INTS4: variants seen among roughly 807,000 people sequenced by gnomAD.
INTS4 encodes integrator complex subunit 4.
INTS4 carries 70 observed loss-of-function variants against 119.5 expected under a neutral mutation model. That is an observed-to-expected ratio of 0.59 (90% CI 0.48 to 0.71). The LOEUF is 0.71. Among genes scored for constraint, INTS4 ranks in the 30% least tolerant of loss-of-function variants. The probability of loss-of-function intolerance (pLI) is 0.00; values close to 1 mark genes in which losing one functional copy is unlikely to be tolerated. For synonymous variants in INTS4, 316 were observed against 419.6 expected, an observed-to-expected ratio of 0.75 and a Z score of 3.02; for missense variants, 867 against 1,173.2, an observed-to-expected ratio of 0.74 and a Z score of 3.81.
intron 21 of INTS4, among the ~76,000 whole-genome samples, chr11:77,890,264 C>T (rs1303939572): frequency 1.3e-5 from 2 of 152,196 alleles, no homozygotes; most frequent in South Asian, 4.1e-4. Context: ...AGCCAGAAGG[C>T]CTGTTCCTCT....
intron 10 of INTS4, among the ~76,000 whole-genome samples, chr11:77,935,089 T>C (rs1195106897): frequency 2.6e-5 from 4 of 152,196 alleles, no homozygotes; most frequent in Non-Finnish European, 4.4e-5. Flanking sequence ...ACTGAAATTC[T>C]GAGATGTACA....
chr11:77,929,312 T>G (rs1262785853), intron 10 of INTS4, among the ~76,000 whole-genome samples: 4 of 152,174 alleles, frequency 2.6e-5, no homozygotes, highest in African/African-American at 7.2e-5. Flanking sequence ...GGGAGATCTC[T>G]ATGCCCACAG....
chr11:77,924,813 A>G lies in INTS4; in HGVS notation c.1451T>C (p.Leu484Pro). The G allele has an allele frequency of 2.5e-6, 4 of 1,594,672 alleles. No homozygotes were observed. Among genetic ancestry groups the G allele is most frequent in the Non-Finnish European group, 3.4e-6 (4 of 1,162,210 alleles). Residue 484 changes from leucine (L) to proline (P), a missense_variant, in exon 12 of 23, where the codon CTT becomes CCT. Physicochemically the swap from Leu to Pro is moderately conservative, Grantham distance 98 (BLOSUM62 -3). Around this residue, in one of 5 missense-constraint regions of INTS4, gnomAD observed 51 missense variants for 125.5 expected, o/e 0.41. Coordinates refer to ENST00000534064, the MANE Select transcript of INTS4 (RefSeq NM_033547.4). ...TNVSTKEGIHLALVELLKNLT... is the reference protein window; with the variant it reads ...TNVSTKEGIHPALVELLKNLT... ...ATTTTTCAGCAGCTCCACCAATGCAAGATGAATCCCTTCTTTGGTTGAAAC... is the reference window on the plus strand; with the variant it reads ...ATTTTTCAGCAGCTCCACCAATGCAGGATGAATCCCTTCTTTGGTTGAAAC...
chr11:77,923,537 G>A (rs1953418428), intron 12 of INTS4, among the ~76,000 whole-genome samples: 1 of 152,048 alleles, frequency 6.6e-6, no homozygotes, highest in Non-Finnish European at 1.5e-5. Context: ...AGATCTGTCT[G>A]AAACTAAGTA....
At chr11:77,953,172 C>T (rs1284275913) in intron 8 of INTS4, among the ~76,000 whole-genome samples, 4 of 152,260 alleles carry the variant, frequency 2.6e-5, no homozygotes, top group South Asian at 4.1e-4. Flanking sequence ...AAGCTATCAC[C>T]GGATCAGTGT....
intron 14 of INTS4, among the ~76,000 whole-genome samples, chr11:77,920,846 C>T (rs1371017127): frequency 4.0e-5 from 6 of 151,266 alleles, no homozygotes; most frequent in African/African-American, 1.2e-4. Flanking sequence ...AGCAAGACTC[C>T]GTCTCAAAAA....
At chr11:77,933,932 G>A (rs905785123) in intron 10 of INTS4, among the ~76,000 whole-genome samples, 1 of 152,174 alleles carries the variant, frequency 6.6e-6, no homozygotes, top group Non-Finnish European at 1.5e-5. Flanking sequence ...GATGACAATG[G>A]CGGTTTTGTG....
intron 2 of INTS4, among the ~76,000 whole-genome samples, chr11:77,985,239 T>C (rs531158555): frequency 7.9e-5 from 12 of 152,302 alleles, no homozygotes; most frequent in African/African-American, 2.9e-4. Context: ...CAGAGTGACA[T>C]TTCTAAAACA....
At chr11:77,897,833 G>A (rs1417785598) in intron 18 of INTS4, among the ~76,000 whole-genome samples, 1 of 151,798 alleles carries the variant, frequency 6.6e-6, no homozygotes, top group Non-Finnish European at 1.5e-5. Context: ...TTAAGACATA[G>A]GGTCTTGTTC....
intron 15 of INTS4, among the ~76,000 whole-genome samples, chr11:77,910,610 C>G (rs1196053708): frequency 6.6e-6 from 1 of 151,784 alleles, no homozygotes; most frequent in Non-Finnish European, 1.5e-5. Flanking sequence ...GAAAATGTTT[C>G]TTTAAAAAAA....
rs1326416266 is a variant in INTS4 at position 77,978,981 on chromosome 11, A to C, written c.471+15T>G. On this transcript the variant is annotated intron_variant, in intron 4 of 22. Transcript: ENST00000534064. ...ACCAGTTTAGGATGGATCTGAATAG[A>C]TTTTATACTCTTACCTTGCAGGCCA... The C allele has an allele frequency of 6.5e-7, 1 of 1,539,946 alleles. No individual in the cohort carries two copies. The highest frequency in any genetic ancestry group is 1.1e-5 in the South Asian group (1 of 89,496).
In INTS4 at chr11:77,959,255, C is replaced by T. The variant is rs368315772; in HGVS notation, c.709-421G>A. Among the ~76,000 whole-genome samples the T allele has an allele frequency of 7.9e-5, 12 of 152,258 alleles. No individual in the cohort carries two copies. In the South Asian group the frequency reaches 8.3e-4, roughly 11 times the overall value. On this transcript the variant is annotated intron_variant, in intron 6 of 22. Transcript: ENST00000534064. ...CAATCCACTCACTCTTTCTGGGTAG[C>T]CCCATACTCCCTAAATACTGATGGC...
At chr11:77,941,879 A>G (rs972197026) in intron 8 of INTS4, among the ~76,000 whole-genome samples, 6 of 152,176 alleles carry the variant, frequency 3.9e-5, no homozygotes, top group African/African-American at 1.4e-4. Context: ...TAACCCTGAG[A>G]AGTAAATACT....
At chr11:77,905,701 C>G (rs1296998879) in intron 16 of INTS4, among the ~76,000 whole-genome samples, 2 of 152,182 alleles carry the variant, frequency 1.3e-5, no homozygotes, top group African/African-American at 4.8e-5. Context: ...GCAGTGGTGA[C>G]CCAGCACAGT....
intron 2 of INTS4, among the ~76,000 whole-genome samples, chr11:77,985,282 G>A (rs1229383199): frequency 2.6e-5 from 4 of 152,136 alleles, no homozygotes; most frequent in African/African-American, 9.7e-5. Flanking sequence ...AGGCCCTTTA[G>A]AATCAGATGC....
intron 19 of INTS4, among the ~76,000 whole-genome samples, chr11:77,893,986 C>T (rs1317353594): frequency 2.6e-5 from 4 of 151,436 alleles, no homozygotes; most frequent in East Asian, 1.9e-4. Flanking sequence ...TTTCAACAAA[C>T]GTATTTACAC....
intron 21 of INTS4, chr11:77,884,643 G>A (rs775985292): frequency 4.5e-6 from 1 of 220,666 alleles, no homozygotes. Context: ...GTCTTCCAAT[G>A]TTGAAACTGT....
chr11:77,908,847 A>G (rs1482224300), intron 15 of INTS4, among the ~76,000 whole-genome samples: 6 of 57,672 alleles, frequency 1.0e-4, no homozygotes, highest in South Asian at 6.5e-4. Flanking sequence ...ATTATTTTTT[A>G]AAAGGTATTA....
chr11:77,883,261 C>T (rs996728340), intron 22 of INTS4, among the ~76,000 whole-genome samples: 8 of 152,098 alleles, frequency 5.3e-5, no homozygotes, highest in Non-Finnish European at 1.2e-4. Context: ...GCCAATTCTG[C>T]CCCCTATTCT....
Sources: allele counts gnomAD v4.1 joint callset (sites outside exome capture counted in the v4.1 genomes callset), GRCh38; gene constraint gnomAD v4.1.1; regional missense constraint gnomAD v4.1.1; transcripts MANE v1.5; gene names NCBI Gene and HGNC (gene_info 2026-07-23, HGNC 2026-07-21).